Variants in ADAM12 observed in about 807,000 individuals in gnomAD.
ADAM12 encodes disintegrin and metalloproteinase domain-containing protein 12.
ADAM12 carries 70 observed loss-of-function variants against 106.4 expected under a neutral mutation model. The ratio of observed to expected loss-of-function variants is 0.66; its 90% CI spans 0.54 to 0.80. ADAM12 has a LOEUF of 0.80. Among genes scored for constraint, ADAM12 ranks in the 30% least tolerant of loss-of-function variants. The probability of loss-of-function intolerance (pLI) is 0.00; values close to 1 mark genes in which losing one functional copy is unlikely to be tolerated. For synonymous variants in ADAM12, 420 were observed against 433.5 expected (o/e 0.97, Z 0.39); for missense variants, 1,010 against 1,171.9 (o/e 0.86, Z 2.02).
At chr10:126,166,119 T>C (rs1957019432) in intron 3 of ADAM12, among the ~76,000 whole-genome samples, 2 of 152,240 alleles carry the variant, frequency 1.3e-5, no homozygotes, top group Admixed American at 1.3e-4. Flanking sequence ...AATAACTTCT[T>C]AATATACTGC....
intron 17 of ADAM12, among the ~76,000 whole-genome samples, chr10:126,045,277 G>C (rs951769918): frequency 6.6e-6 from 1 of 152,094 alleles, no homozygotes; most frequent in African/African-American, 2.4e-5. Context: ...TGTATATTGG[G>C]AGTTAGCTAA....
intron 3 of ADAM12, among the ~76,000 whole-genome samples, chr10:126,178,219 A>AG (rs1957252791): frequency 6.6e-6 from 1 of 152,090 alleles, no homozygotes; most frequent in Non-Finnish European, 1.5e-5. Context: ...AGTCAAAAAA[A>AG]AAAATCCCCA....
intron 3 of ADAM12, among the ~76,000 whole-genome samples, chr10:126,271,760 T>C (rs1959177819): frequency 6.6e-6 from 1 of 152,238 alleles, no homozygotes. Flanking sequence ...AGTGAGACCC[T>C]GTCTCAAACA....
intron 2 of ADAM12, among the ~76,000 whole-genome samples, chr10:126,279,659 C>T (rs975227613): frequency 7.3e-5 from 11 of 151,666 alleles, no homozygotes; most frequent in African/African-American, 1.9e-4. Flanking sequence ...CCCGGGAGGC[C>T]GAGGTTGTAG....
chr10:126,304,143 A>C (rs1290601029), intron 2 of ADAM12, among the ~76,000 whole-genome samples: 2 of 152,116 alleles, frequency 1.3e-5, no homozygotes, highest in African/African-American at 2.4e-5. Context: ...AAACACTCTA[A>C]GAAAGGCCGT....
At chr10:126,196,553 T>C (rs1198622111) in intron 3 of ADAM12, among the ~76,000 whole-genome samples, 1 of 152,256 alleles carries the variant, frequency 6.6e-6, no homozygotes, top group Non-Finnish European at 1.5e-5. Flanking sequence ...GCAACTCTGA[T>C]TGGCTCAATG....
intron 2 of ADAM12, among the ~76,000 whole-genome samples, chr10:126,279,735 C>G (rs7092301): frequency 8.5e-5 from 1 of 11,700 alleles, no homozygotes; most frequent in Non-Finnish European, 6.0e-4. Context: ...CTCAAAAAAA[C>G]AAAAAAAGAA....
intron 1 of ADAM12, among the ~76,000 whole-genome samples, chr10:126,354,008 G>C (rs1855454861): frequency 6.7e-6 from 1 of 149,914 alleles, no homozygotes. Flanking sequence ...TGCCATATTT[G>C]AAATGTTTTT....
intron 2 of ADAM12, among the ~76,000 whole-genome samples, chr10:126,295,732 C>T (rs1194406083): frequency 6.6e-6 from 1 of 152,060 alleles, no homozygotes; most frequent in Non-Finnish European, 1.5e-5. Context: ...CTCTTTTGTC[C>T]CCAATATGCC....
At chr10:126,294,486 C>A (rs1313859712) in intron 2 of ADAM12, among the ~76,000 whole-genome samples, 1 of 152,144 alleles carries the variant, frequency 6.6e-6, no homozygotes, top group Admixed American at 6.5e-5. Context: ...TGCAGGATTT[C>A]TCCCGCGACA....
intron 11 of ADAM12, among the ~76,000 whole-genome samples, chr10:126,079,874 C>A (rs1056842808): frequency 1.3e-5 from 2 of 152,126 alleles, no homozygotes; most frequent in African/African-American, 2.4e-5. Flanking sequence ...TCTGTCAGTG[C>A]GATCGTTGAT....
intron 11 of ADAM12, among the ~76,000 whole-genome samples, chr10:126,093,151 G>C (rs1365992543): frequency 6.6e-6 from 1 of 152,116 alleles, no homozygotes; most frequent in Non-Finnish European, 1.5e-5. Context: ...AAGGTTTCAA[G>C]GTATAATAAA....
At chr10:126,096,169 T>C (rs1221390846) in intron 10 of ADAM12, among the ~76,000 whole-genome samples, 1 of 152,214 alleles carries the variant, frequency 6.6e-6, no homozygotes, top group Non-Finnish European at 1.5e-5. Context: ...GTGAAGAGAA[T>C]GTAGTCAGTC....
At chr10:126,117,765 G>GGGT (rs397737895) in intron 6 of ADAM12, among the ~76,000 whole-genome samples, 1 of 124,912 alleles carries the variant, frequency 8.0e-6, no homozygotes, top group Non-Finnish European at 1.6e-5. Flanking sequence ...AGTTGGGGGG[G>GGGT]CGTAATTTTG....
intron 1 of ADAM12, among the ~76,000 whole-genome samples, chr10:126,351,776 C>T (rs920021868): frequency 3.9e-5 from 6 of 152,290 alleles, no homozygotes; most frequent in African/African-American, 1.4e-4. Context: ...GCTCTCCCTG[C>T]ACCCCCACCC....
intron 3 of ADAM12, among the ~76,000 whole-genome samples, chr10:126,157,206 G>C (rs10901541): frequency 1.3e-5 from 2 of 152,050 alleles, no homozygotes; most frequent in Non-Finnish European, 2.9e-5. Context: ...CCTTACTTCA[G>C]GAGAAAGCTA....
intron 4 of ADAM12, among the ~76,000 whole-genome samples, chr10:126,154,639 G>T (rs1232395645): frequency 6.6e-6 from 1 of 152,168 alleles, no homozygotes; most frequent in Non-Finnish European, 1.5e-5. Context: ...ATATTCACAT[G>T]TGGGACAGAT....
intron 1 of ADAM12, among the ~76,000 whole-genome samples, chr10:126,363,322 G>A (rs921986956): frequency 1.3e-5 from 2 of 152,096 alleles, no homozygotes; most frequent in African/African-American, 4.8e-5. Context: ...TTAAGAGAGA[G>A]TTTTTTAAAG....
At chr10:126,184,838 G>A (rs780327316) in intron 3 of ADAM12, among the ~76,000 whole-genome samples, 55 of 152,144 alleles carry the variant, frequency 3.6e-4, no homozygotes, top group Non-Finnish European at 6.8e-4. Flanking sequence ...TGTACAACAA[G>A]GGTACGAGGA....
Sources: gnomAD v4.1 joint callset for allele counts (sites outside exome capture counted in the v4.1 genomes callset) on GRCh38, gnomAD v4.1.1 for gene constraint, MANE v1.5 for transcripts, NCBI Gene and HGNC (gene_info 2026-07-23, HGNC 2026-07-21) for gene names.